Variants in TENM3 observed in about 807,000 individuals in gnomAD.
TENM3 encodes the protein teneurin transmembrane protein 3, also known as teneurin-3.
Under a neutral mutation model 255.1 loss-of-function variants are expected in TENM3, and 63 were observed. The ratio of observed to expected loss-of-function variants is 0.25; its 90% CI spans 0.20 to 0.30. The LOEUF is 0.30. Ranked by LOEUF, TENM3 falls within the 10% of genes least tolerant of loss-of-function variation. The pLI, the probability that TENM3 is intolerant of heterozygous loss-of-function variation, is 1.00. For synonymous variants in TENM3, 1,306 were observed against 1,322.3 expected (o/e 0.99, Z 0.27); for missense variants, 2,929 against 3,461.1 (o/e 0.85, Z 3.86).
At chr4:181,965,832 A>G in the TENM3 span, among the ~76,000 whole-genome samples, 10 of 152,198 alleles carry the variant, frequency 6.6e-5, no homozygotes, top group African/African-American at 9.6e-5. Flanking sequence ...TTCCACCTCT[A>G]TAGAGTGGCT....
chr4:182,443,016 T>A (rs1368255220), intron 3 of TENM3, among the ~76,000 whole-genome samples: 1 of 152,022 alleles, frequency 6.6e-6, no homozygotes, highest in African/African-American at 2.4e-5. Context: ...AGCCACCGTG[T>A]CTGGCCTGAG....
the TENM3 span, among the ~76,000 whole-genome samples, chr4:181,845,687 C>G: frequency 6.6e-6 from 1 of 152,188 alleles, no homozygotes; most frequent in East Asian, 1.9e-4. Flanking sequence ...TAAGACCTTC[C>G]TGGATTCATG....
chr4:181,554,916 G>A, the TENM3 span, among the ~76,000 whole-genome samples: 1,290 of 152,212 alleles, frequency 8.5e-3, 15 homozygotes, highest in African/African-American at 0.029. Context: ...AGTTTACTTT[G>A]GATCAGTTTA....
the TENM3 span, among the ~76,000 whole-genome samples, chr4:181,830,361 C>T: frequency 1.7e-4 from 26 of 152,216 alleles, no homozygotes; most frequent in African/African-American, 5.3e-4. Flanking sequence ...CTCCCCATCC[C>T]GGGTTCAAGT....
At chr4:182,158,009 A>C (rs1357125191) in intron 1 of TENM3, among the ~76,000 whole-genome samples, 1 of 152,200 alleles carries the variant, frequency 6.6e-6, no homozygotes, top group East Asian at 1.9e-4. Flanking sequence ...GGTACAGAGA[A>C]GTATTTCTTT....
At chr4:182,747,879 T>C (rs78893218) in intron 19 of TENM3, among the ~76,000 whole-genome samples, 3,434 of 152,312 alleles carry the variant, frequency 0.023, 62 homozygotes, top group Middle Eastern at 0.041. Context: ...GTCTTTTGGT[T>C]ACCATAAAAG....
intron 1 of TENM3, among the ~76,000 whole-genome samples, chr4:182,269,164 G>T (rs1186513526): frequency 6.6e-6 from 1 of 152,164 alleles, no homozygotes; most frequent in Non-Finnish European, 1.5e-5. Context: ...AGGTGTGGGA[G>T]ATTATCCATC....
intron 19 of TENM3, among the ~76,000 whole-genome samples, chr4:182,748,030 T>C (rs979616441): frequency 2.0e-5 from 3 of 152,202 alleles, no homozygotes; most frequent in Admixed American, 2.0e-4. Flanking sequence ...TTTGTGAATA[T>C]TTCTCTAGTC....
the TENM3 span, among the ~76,000 whole-genome samples, chr4:181,604,123 G>A: frequency 2.0e-5 from 3 of 152,078 alleles, no homozygotes; most frequent in Non-Finnish European, 4.4e-5. Context: ...AAATTAGCCG[G>A]GCGTGGTGGC....
At chr4:182,030,864 T>G in the TENM3 span, among the ~76,000 whole-genome samples, 1 of 152,236 alleles carries the variant, frequency 6.6e-6, no homozygotes, top group Admixed American at 6.5e-5. Flanking sequence ...CTTTTGATAA[T>G]TGTCTGTTCA....
the TENM3 span, among the ~76,000 whole-genome samples, chr4:181,517,310 CA>C: frequency 6.6e-6 from 1 of 152,144 alleles, no homozygotes; most frequent in Non-Finnish European, 1.5e-5. Context: ...ATGATATGTG[CA>C]ATGTCTATTT....
the TENM3 span, among the ~76,000 whole-genome samples, chr4:181,567,866 A>T: frequency 0.18 from 26,649 of 152,112 alleles, 2,691 homozygotes; most frequent in African/African-American, 0.29. Context: ...CGAAATAATT[A>T]GTCCAGGGTT....
At chr4:182,170,831 G>A (rs1236508573) in intron 1 of TENM3, among the ~76,000 whole-genome samples, 1 of 152,128 alleles carries the variant, frequency 6.6e-6, no homozygotes, top group Non-Finnish European at 1.5e-5. Context: ...AAATTTCAGT[G>A]ATGATGTACA....
chr4:182,452,350 G>T (rs558020928), intron 3 of TENM3, among the ~76,000 whole-genome samples: 7 of 151,114 alleles, frequency 4.6e-5, no homozygotes, highest in Non-Finnish European at 7.4e-5. Flanking sequence ...GGGCGGGGGG[G>T]TGTCCAGTAA....
At chr4:181,976,833 A>T in the TENM3 span, among the ~76,000 whole-genome samples, 29 of 152,264 alleles carry the variant, frequency 1.9e-4, no homozygotes, top group African/African-American at 6.3e-4. Context: ...GCCCTTTGAT[A>T]CTCCAGAGTT....
At chr4:182,612,882 C>T (rs1352392088) in intron 4 of TENM3, among the ~76,000 whole-genome samples, 1 of 152,170 alleles carries the variant, frequency 6.6e-6, no homozygotes, top group Non-Finnish European at 1.5e-5. Flanking sequence ...TGTTTTCTGC[C>T]TTGTTTTGTT....
chr4:181,677,491 T>C, the TENM3 span, among the ~76,000 whole-genome samples: 8 of 152,170 alleles, frequency 5.3e-5, no homozygotes, highest in Non-Finnish European at 2.9e-5. Flanking sequence ...GGTCTTTTAA[T>C]GTATCCACTT....
chr4:181,917,382 C>CT, the TENM3 span, among the ~76,000 whole-genome samples: 5 of 152,108 alleles, frequency 3.3e-5, no homozygotes, highest in East Asian at 1.9e-4. Context: ...AAGCATCTCT[C>CT]TTTTTTTTGT....
chr4:181,705,626 G>A, the TENM3 span, among the ~76,000 whole-genome samples: 55 of 152,236 alleles, frequency 3.6e-4, no homozygotes, highest in African/African-American at 1.3e-3. Context: ...CTTTAGAAAA[G>A]AGAGCTAATC....
Sources: allele counts gnomAD v4.1 joint callset (sites outside exome capture counted in the v4.1 genomes callset), GRCh38; gene constraint gnomAD v4.1.1; transcripts MANE v1.5; gene names NCBI Gene and HGNC (gene_info 2026-07-23, HGNC 2026-07-21).